RIMBP2: variants seen among roughly 807,000 people sequenced by gnomAD.
RIMBP2 encodes RIMS-binding protein 2.
Under a neutral mutation model 118.6 loss-of-function variants are expected in RIMBP2, and 48 were observed. The ratio of observed to expected loss-of-function variants is 0.40; its 90% CI spans 0.32 to 0.51. RIMBP2 has a LOEUF of 0.51. Ranked by LOEUF, RIMBP2 falls within the 20% of genes least tolerant of loss-of-function variation. RIMBP2 has a pLI of 0.41. For synonymous variants in RIMBP2, 762 were observed against 742.9 expected, an observed-to-expected ratio of 1.03 and a Z score of -0.42; for missense variants, 1,551 against 1,768.3, an observed-to-expected ratio of 0.88 and a Z score of 2.20.
intron 1 of RIMBP2, among the ~76,000 whole-genome samples, chr12:130,666,825 A>AGAAGGGAGGGAGGGAGAGAAT (rs1475572278): frequency 1.9e-5 from 2 of 103,582 alleles, no homozygotes; most frequent in African/African-American, 7.3e-5. Context: ...AAGAGATGGA[A>AGAAGGGAGGGAGGGAGAGAAT]GAAGGGAGGG....
rs1366135996 is a variant in RIMBP2 at position 130,470,702 on chromosome 12, C to G, written c.144G>C (p.Arg48=). ...EAKKEHEGAV[R]LLESKVRELE... ...GGGGCACGCTCCTTACCTCTAGCAG[C>G]CGCACTGCGCCTTCATGCTCCTTCT... The change falls in exon 6 of 23, where the codon CGG becomes CGC. Residue 48 remains arginine, a synonymous_variant. Coordinates refer to ENST00000690449, the MANE Select transcript of RIMBP2 (RefSeq NM_001393629.1). The G allele has an allele frequency of 8.1e-7, 1 of 1,231,908 alleles. No individual in the cohort carries two copies. Among genetic ancestry groups the G allele is most frequent in the Non-Finnish European group, 1.0e-6 (1 of 987,932 alleles). 76.3% of individuals were successfully genotyped at this position (1,231,908 alleles called of 1,614,324 possible). A position where few individuals can be genotyped will look rare whatever the true frequency, so the allele number is the denominator to read the frequency against.
In RIMBP2 at chr12:130,627,334, C is replaced by G. The variant is rs936458729; in HGVS notation, c.-217+988G>C. Among the ~76,000 whole-genome samples the G allele has an allele frequency of 2.6e-4, 39 of 152,262 alleles. 1 individual carries two copies. The highest frequency in any genetic ancestry group is 9.4e-4 in the African/African-American group (39 of 41,468). Reference sequence around the variant, plus strand: ...AGCCAGCCATTTCCGGGTTGAAAACCTTTAGTAACAGAAAGCAGCTGTTAT... The same window carrying G: ...AGCCAGCCATTTCCGGGTTGAAAACGTTTAGTAACAGAAAGCAGCTGTTAT... On this transcript the variant is annotated intron_variant, in intron 2 of 22. Coordinates refer to ENST00000690449, the MANE Select transcript of RIMBP2 (RefSeq NM_001393629.1).
intron 1 of RIMBP2, among the ~76,000 whole-genome samples, chr12:130,671,171 T>A (rs374340299): frequency 7.2e-5 from 11 of 151,926 alleles, no homozygotes; most frequent in Non-Finnish European, 1.5e-4. Context: ...CAGCAACCAT[T>A]TTGTGACCTT....
At chr12:130,489,709 G>C (rs983220511) in intron 4 of RIMBP2, among the ~76,000 whole-genome samples, 1 of 152,134 alleles carries the variant, frequency 6.6e-6, no homozygotes, top group African/African-American at 2.4e-5. Flanking sequence ...TCCACCCTGT[G>C]TGTCACAATC....
In RIMBP2 at chr12:130,670,938, T is replaced by C. The variant is rs530761803; in HGVS notation, c.-351-42482A>G. Among the ~76,000 whole-genome samples, 1 of 152,228 alleles carries C rather than the reference T, an allele frequency of 6.6e-6. No homozygotes were observed. Among genetic ancestry groups the C allele is most frequent in the South Asian group, 2.1e-4 (1 of 4,818 alleles). ...ACAGGTGCCCACCAGTACGTCTCTTTTAGTAGACACGGGGTTTCACCATGT... is the reference window on the plus strand; with the variant it reads ...ACAGGTGCCCACCAGTACGTCTCTTCTAGTAGACACGGGGTTTCACCATGT... On this transcript the variant is annotated intron_variant, in intron 1 of 22. Transcript: ENST00000690449. This position sits in a 1 kb window ranked among gnomAD's most constrained non-coding sequence, Gnocchi z 4.9.
At chr12:130,574,969 G>A (rs191130525) in intron 2 of RIMBP2, among the ~76,000 whole-genome samples, 6 of 35,580 alleles carry the variant, frequency 1.7e-4, no homozygotes, top group East Asian at 1.1e-3. Flanking sequence ...ACCCCCCACC[G>A]CCACCCCCAC....
chr12:130,404,207 C>A (rs1332030869), intron 21 of RIMBP2, among the ~76,000 whole-genome samples: 1 of 152,176 alleles, frequency 6.6e-6, no homozygotes, highest in Non-Finnish European at 1.5e-5. Flanking sequence ...GACATGTACA[C>A]ACACACACAC....
intron 1 of RIMBP2, among the ~76,000 whole-genome samples, chr12:130,680,039 C>T (rs1469054256): frequency 1.3e-5 from 2 of 151,552 alleles, no homozygotes; most frequent in African/African-American, 2.4e-5. Context: ...GGGAAGGATC[C>T]CTGAGTGTGA....
intron 1 of RIMBP2, among the ~76,000 whole-genome samples, chr12:130,637,189 T>G (rs2062388644): frequency 6.6e-6 from 1 of 152,232 alleles, no homozygotes; most frequent in African/African-American, 2.4e-5. Context: ...CCTCATCCTG[T>G]CCTCAGATCA....
chr12:130,478,964 T>C lies in RIMBP2; in HGVS notation c.50A>G (p.Gln17Arg), dbSNP rs1337460337. 2 of 1,613,968 alleles carry C rather than the reference T, an allele frequency of 1.2e-6. No homozygotes were observed. Among genetic ancestry groups the C allele is most frequent in the South Asian group, 2.2e-5 (2 of 91,080 alleles). Residue 17 changes from glutamine (Q) to arginine (R), a missense_variant, in exon 5 of 23, where the codon CAG becomes CGG. Physicochemically the swap from Gln to Arg is conservative, Grantham distance 43. Coordinates refer to ENST00000690449, the MANE Select transcript of RIMBP2 (RefSeq NM_001393629.1). ...CTTGGCACTGAGAACAGCCAGGGCC[T>C]GGTCATGCTCCAACTGCAGCTGCTG... ...RRQQLQLEHD[Q>R]ALAVLSAKQQ...
chr12:130,695,079 A>G (rs1306987489), intron 1 of RIMBP2, among the ~76,000 whole-genome samples: 1 of 152,186 alleles, frequency 6.6e-6, no homozygotes. Context: ...GCTCTGGAGC[A>G]CCTGTTCACT....
chr12:130,519,074 C>T (rs1003963602), intron 2 of RIMBP2, among the ~76,000 whole-genome samples: 3 of 152,210 alleles, frequency 2.0e-5, no homozygotes, highest in Non-Finnish European at 4.4e-5. Flanking sequence ...TTCTCTTTTT[C>T]CCAATTGTTC....
chr12:130,410,117 T>C (rs954621292), intron 19 of RIMBP2, among the ~76,000 whole-genome samples: 5 of 152,228 alleles, frequency 3.3e-5, no homozygotes, highest in Admixed American at 6.5e-5. Flanking sequence ...TCAGGGTGGT[T>C]TTAATTTGTG....
intron 19 of RIMBP2, among the ~76,000 whole-genome samples, chr12:130,408,742 C>T (rs1252225403): frequency 6.6e-6 from 1 of 152,216 alleles, no homozygotes; most frequent in Non-Finnish European, 1.5e-5. Context: ...TGTGTTTCTT[C>T]TAAACACAGC....
At chr12:130,554,208 T>C (rs904750716) in intron 2 of RIMBP2, among the ~76,000 whole-genome samples, 3 of 152,214 alleles carry the variant, frequency 2.0e-5, no homozygotes, top group Admixed American at 2.0e-4. Flanking sequence ...TCACTAAGTG[T>C]GAGATCTTAG....
chr12:130,628,138 T>G (rs1039519298), intron 2 of RIMBP2, among the ~76,000 whole-genome samples, 184 bp downstream of exon 2: 1 of 152,182 alleles, frequency 6.6e-6, no homozygotes, highest in Non-Finnish European at 1.5e-5. Flanking sequence ...CCCATGATGT[T>G]CCTCTCTCTG....
At position 130,532,972 on chromosome 12, in the gene RIMBP2, G is replaced by C. The variant is rs531015252; in HGVS notation, c.-216-15055C>G. On this transcript the variant is annotated intron_variant, in intron 2 of 22. Transcript: ENST00000690449. ...TGAGATGCGTGTGTGTAGCCTCTAGGAGTTACGTCTAATGAGATGCGTATG... is the reference window on the plus strand; with the variant it reads ...TGAGATGCGTGTGTGTAGCCTCTAGCAGTTACGTCTAATGAGATGCGTATG... Among the ~76,000 whole-genome samples the C allele has an allele frequency of 2.0e-5, 3 of 149,432 alleles. No homozygotes were observed. In the East Asian group the frequency reaches 6.1e-4, roughly 30 times the overall value.
At chr12:130,427,084 C>G (rs1418059721) in intron 15 of RIMBP2, 1 of 152,240 alleles carries the variant, frequency 6.6e-6, no homozygotes, top group African/African-American at 2.4e-5. Context: ...GACAGGACAT[C>G]CCCCAAGGCC....
intron 4 of RIMBP2, among the ~76,000 whole-genome samples, chr12:130,481,202 G>C (rs1175723828): frequency 6.6e-6 from 1 of 152,206 alleles, no homozygotes; most frequent in African/African-American, 2.4e-5. Context: ...CCCCGCAGGA[G>C]GAGGCAGACA....
Sources: allele counts gnomAD v4.1 joint callset (sites outside exome capture counted in the v4.1 genomes callset), GRCh38; gene constraint gnomAD v4.1.1; non-coding constraint Gnocchi (gnomAD v3.1); transcripts MANE v1.5; gene names NCBI Gene and HGNC (gene_info 2026-07-23, HGNC 2026-07-21).